The following GRIA1 variants were observed in gnomAD, a reference collection of about 807,000 sequenced individuals.
The protein encoded by GRIA1 is glutamate ionotropic receptor AMPA type subunit 1, also known as glutamate receptor 1.
Under a neutral mutation model 99.2 loss-of-function variants are expected in GRIA1, and 31 were observed. That is an observed-to-expected ratio of 0.31 (90% confidence interval 0.23 to 0.42). The LOEUF (loss-of-function observed/expected upper bound fraction) is 0.42, where lower values mean the gene tolerates loss of function less well. Ranked by LOEUF, GRIA1 falls within the 10% of genes least tolerant of loss-of-function variation. GRIA1 has a pLI of 1.00. For synonymous variants in GRIA1, 438 were observed against 432.4 expected (o/e 1.01, Z -0.16); for missense variants, 782 against 1,157.5 (o/e 0.68, Z 4.71).
At chr5:153,491,041 T>A in intron 1 of GRIA1, 71 bp downstream of exon 1, 8 of 1,355,844 alleles carry the variant, frequency 5.9e-6, no homozygotes, top group Non-Finnish European at 8.5e-6. Flanking sequence ...ATAGGGGTTG[T>A]GTACCCCCTC....
At chr5:153,500,443 A>C (rs1164678795) in intron 2 of GRIA1, among the ~76,000 whole-genome samples, 1 of 152,184 alleles carries the variant, frequency 6.6e-6, no homozygotes, top group East Asian at 1.9e-4. Context: ...AAGAGATGAA[A>C]TCCATTTTTC....
At chr5:153,689,489 G>A (rs150610036) in intron 8 of GRIA1, among the ~76,000 whole-genome samples, 148 of 152,288 alleles carry the variant, frequency 9.7e-4, no homozygotes, top group African/African-American at 3.4e-3. Context: ...CCCCAACTCT[G>A]GAGTAGTGGA....
At position 153,713,310 on chromosome 5, in the gene GRIA1, C is replaced by T. The variant is rs570985808; in HGVS notation, c.1823+7243C>T. ...GCATATTTCACCTTGACAGTTTTTT[C>T]CTCTCCATTAGCAAGCAACACCAAC... On this transcript the variant is annotated intron_variant, in intron 11 of 15. Coordinates refer to ENST00000285900, the MANE Select transcript of GRIA1 (RefSeq NM_000827.4). 1.6e-4 allele frequency among the ~76,000 whole-genome samples: 24 copies of T among 152,344 alleles called. 1 individual carries two copies. The South Asian group carries it at 5.0e-3, about 32-fold the overall frequency.
intron 13 of GRIA1, among the ~76,000 whole-genome samples, chr5:153,774,853 G>T (rs1232642425): frequency 6.6e-6 from 1 of 152,308 alleles, no homozygotes; most frequent in African/African-American, 2.4e-5. Flanking sequence ...GTGACAGAAT[G>T]GGGCTTTTGT....
At position 153,649,359 on chromosome 5, in the gene GRIA1, G is replaced by A. The variant is rs374581811; in HGVS notation, c.461-971G>A. Among the ~76,000 whole-genome samples, 85 of 152,298 alleles carry A rather than the reference G, an allele frequency of 5.6e-4. 1 individual carries two copies. The highest frequency in any genetic ancestry group is 2.0e-3 in the African/African-American group (83 of 41,558). ...TAATTCTCCAAGAAGAAACAAAGCA[G>A]CATTGAGTAATGGCCTCTCTACTCA... On this transcript the variant is annotated intron_variant, in intron 3 of 15. Coordinates refer to ENST00000285900, the MANE Select transcript of GRIA1 (RefSeq NM_000827.4).
chr5:153,676,332 T>C (rs573609653), intron 6 of GRIA1, among the ~76,000 whole-genome samples: 15 of 152,312 alleles, frequency 9.8e-5, no homozygotes, highest in African/African-American at 3.6e-4. Context: ...CCAGGATATA[T>C]TTTCCTGGAC....
chr5:153,656,942 G>A (rs748761576), intron 5 of GRIA1, among the ~76,000 whole-genome samples: 4 of 152,116 alleles, frequency 2.6e-5, no homozygotes, highest in African/African-American at 4.8e-5. Context: ...TGTCATATAT[G>A]TGAAATCATA....
intron 11 of GRIA1, among the ~76,000 whole-genome samples, chr5:153,716,240 C>T (rs1360041958): frequency 6.6e-6 from 1 of 152,140 alleles, no homozygotes; most frequent in African/African-American, 2.4e-5. Context: ...AAAACTGGGG[C>T]TCAGAGAAAT....
At chr5:153,798,898 A>G (rs182165605) in intron 14 of GRIA1, among the ~76,000 whole-genome samples, 1 of 152,248 alleles carries the variant, frequency 6.6e-6, no homozygotes, top group Admixed American at 6.5e-5. Flanking sequence ...AAATCAAGAC[A>G]ACAGGTTAAG....
chr5:153,764,859 C>G (rs762240001), intron 12 of GRIA1, among the ~76,000 whole-genome samples: 1 of 152,182 alleles, frequency 6.6e-6, no homozygotes, highest in Non-Finnish European at 1.5e-5. Context: ...ATTTGGATCC[C>G]TTGCCTGTAT....
At chr5:153,664,458 A>G (rs1370206058) in intron 5 of GRIA1, among the ~76,000 whole-genome samples, 2 of 151,864 alleles carry the variant, frequency 1.3e-5, no homozygotes, top group East Asian at 3.9e-4. Flanking sequence ...CTGAACCTCA[A>G]TACATGCATA....
intron 2 of GRIA1, among the ~76,000 whole-genome samples, chr5:153,532,543 G>A (rs1463643807): frequency 1.3e-5 from 2 of 152,176 alleles, no homozygotes; most frequent in Non-Finnish European, 2.9e-5. Context: ...TAGTTGGAAC[G>A]TGTGCTCTTC....
intron 13 of GRIA1, among the ~76,000 whole-genome samples, chr5:153,791,293 A>G (rs904178556): frequency 6.6e-6 from 1 of 151,644 alleles, no homozygotes; most frequent in Non-Finnish European, 1.5e-5. Context: ...AAAAATTAAT[A>G]GAAAAGAAAA....
At chr5:153,658,210 T>A (rs2149467533) in intron 5 of GRIA1, among the ~76,000 whole-genome samples, 1 of 152,108 alleles carries the variant, frequency 6.6e-6, no homozygotes, top group Non-Finnish European at 1.5e-5. Context: ...CACAGAACAA[T>A]ACATAGAACA....
chr5:153,751,333 G>T (rs1762499822), intron 11 of GRIA1, among the ~76,000 whole-genome samples: 1 of 152,210 alleles, frequency 6.6e-6, no homozygotes, highest in African/African-American at 2.4e-5. Context: ...CTAATAACTG[G>T]ATAGATGGTT....
intron 11 of GRIA1, among the ~76,000 whole-genome samples, chr5:153,756,769 C>T (rs1231049465): frequency 2.6e-5 from 4 of 152,166 alleles, no homozygotes; most frequent in African/African-American, 9.7e-5. Context: ...CAGTCACAGA[C>T]TCTGACAACA....
intron 13 of GRIA1, among the ~76,000 whole-genome samples, chr5:153,776,715 G>C (rs1407558149): frequency 2.0e-5 from 3 of 152,150 alleles, no homozygotes; most frequent in Non-Finnish European, 2.9e-5. Flanking sequence ...AGTTGCTTGT[G>C]TATATTGGCA....
chr5:153,505,319 T>C (rs1365157055), intron 2 of GRIA1, among the ~76,000 whole-genome samples: 1 of 148,272 alleles, frequency 6.7e-6, no homozygotes, highest in Non-Finnish European at 1.5e-5. Flanking sequence ...AGATTATTAT[T>C]TGGCAATTAT....
chr5:153,602,831 G>A (rs1259967640), intron 2 of GRIA1, among the ~76,000 whole-genome samples: 3 of 152,004 alleles, frequency 2.0e-5, no homozygotes, highest in African/African-American at 7.2e-5. Flanking sequence ...AACATCCACT[G>A]TTTGGCCAGT....
Sources: allele counts gnomAD v4.1 joint callset (sites outside exome capture counted in the v4.1 genomes callset), GRCh38; gene constraint gnomAD v4.1.1; transcripts MANE v1.5; gene names NCBI Gene and HGNC (gene_info 2026-07-23, HGNC 2026-07-21).